TTLL9: variants seen among roughly 807,000 people sequenced by gnomAD.
TTLL9 encodes the protein tubulin tyrosine ligase like 9.
TTLL9 carries 47 observed loss-of-function variants against 65.6 expected under a neutral mutation model. The observed-to-expected ratio is 0.72, with a 90% CI of 0.57 to 0.91. The LOEUF is 0.91. Among genes scored for constraint, TTLL9 ranks in the 40% least tolerant of loss-of-function variants. TTLL9 has a pLI of 0.00. For synonymous variants in TTLL9, 179 were observed against 204.8 expected, an observed-to-expected ratio of 0.87 and a Z score of 1.07; for missense variants, 537 against 568.8, an observed-to-expected ratio of 0.94 and a Z score of 0.57.
At chr20:31,893,280 C>T (rs1174376830) in intron 3 of TTLL9, among the ~76,000 whole-genome samples, 1 of 149,112 alleles carries the variant, frequency 6.7e-6, no homozygotes. Context: ...GTGAAGTCAG[C>T]TGTTCTTTTT....
chr20:31,875,516 T>C (rs1166442286), intron 2 of TTLL9, among the ~76,000 whole-genome samples: 4 of 152,214 alleles, frequency 2.6e-5, no homozygotes, highest in African/African-American at 9.6e-5. Context: ...CTTTGCTTTC[T>C]CTGACTTCCA....
intron 7 of TTLL9, 53 bp from the exon 8 acceptor site, chr20:31,922,910 C>A: frequency 6.8e-7 from 1 of 1,466,454 alleles, no homozygotes; most frequent in Non-Finnish European, 9.5e-7. Flanking sequence ...ATACCTAGTA[C>A]ACAGGAAATG....
chr20:31,898,551 G>T lies in TTLL9; in HGVS notation c.192G>T (p.Trp64Cys), dbSNP rs374914639. ...ACGTCCTTCGCCACAGGCCAGGATG[G>T]GTGGAAGTGAAGGAGTAAGACCCTC... The part of the protein sequence containing the change: ...LMDVLRHRPG[W>C]VEVKDEGEWD... The change falls in exon 4 of 15, where the codon TGG becomes TGT. Residue 64 changes from tryptophan to cysteine, a missense_variant. Trp to Cys is a radical substitution (Grantham distance 215). Around this residue, in one of 3 missense-constraint regions of TTLL9, gnomAD observed 320 missense variants for 311.0 expected, o/e 1.03. Transcript: ENST00000535842. 3 of 1,614,014 alleles carry T rather than the reference G, an allele frequency of 1.9e-6. No homozygotes were observed. Among genetic ancestry groups the T allele is most frequent in the Non-Finnish European group, 2.5e-6 (3 of 1,180,000 alleles).
intron 6 of TTLL9, among the ~76,000 whole-genome samples, chr20:31,910,451 A>C (rs2063629592): frequency 6.6e-6 from 1 of 152,180 alleles, no homozygotes; most frequent in African/African-American, 2.4e-5. Flanking sequence ...GCTGTTATTA[A>C]GGAGAATGGT....
At position 31,887,114 on chromosome 20, in the gene TTLL9, T is replaced by C. The variant is rs1600528949; in HGVS notation, c.70-82T>C. The C allele has an allele frequency of 2.1e-6, 3 of 1,455,708 alleles. No individual in the cohort carries two copies. In the East Asian group the frequency reaches 6.8e-5, roughly 33 times the overall value. The allele number at this position is 1,455,708 out of a possible 1,614,324, so 90.2% of individuals were successfully genotyped here. ...TTGTTGAGTCTGACGGTTTGGGCAT[T>C]TTAATATCTGCAGTAAGTTAACCTG... On this transcript the variant is annotated intron_variant, in intron 2 of 14. Transcript: ENST00000535842.
chr20:31,889,505 C>A lies in TTLL9; in HGVS notation c.113+2266C>A, dbSNP rs2063251191. ...TGGCGTGATCTCAGCTCACTACAAC[C>A]TCTGCCTCCCGGGTTCAAGTGATTC... On this transcript the variant is annotated intron_variant, in intron 3 of 14. Transcript: ENST00000535842. Among the ~76,000 whole-genome samples the A allele has an allele frequency of 2.0e-5, 3 of 146,406 alleles. No homozygotes were observed. In the South Asian group the frequency reaches 6.5e-4, roughly 32 times the overall value.
intron 8 of TTLL9, among the ~76,000 whole-genome samples, chr20:31,924,616 G>A (rs1333616601): frequency 7.0e-6 from 1 of 143,218 alleles, no homozygotes; most frequent in East Asian, 2.1e-4. Flanking sequence ...ACCATGTCTT[G>A]CTCTGTCACT....
In TTLL9 at chr20:31,887,176, T is replaced by C; in HGVS notation, c.70-20T>C. The C allele has an allele frequency of 3.7e-6, 6 of 1,613,636 alleles. No individual in the cohort carries two copies. The highest frequency in any genetic ancestry group is 1.7e-4 in the Middle Eastern group (1 of 6,060). On this transcript the variant is annotated intron_variant, in intron 2 of 14. Transcript: ENST00000535842. Reference sequence around the variant, plus strand: ...CAGATATACAAAACCAGTTACATCCTTTTCCTTTCCTCATTGCAGAACCAA... The same window carrying C: ...CAGATATACAAAACCAGTTACATCCCTTTCCTTTCCTCATTGCAGAACCAA...
At chr20:31,876,572 G>A (rs1178858796) in intron 2 of TTLL9, among the ~76,000 whole-genome samples, 1 of 152,156 alleles carries the variant, frequency 6.6e-6, no homozygotes, top group Non-Finnish European at 1.5e-5. Flanking sequence ...TTATACATAT[G>A]ACCTATGTAG....
intron 4 of TTLL9, among the ~76,000 whole-genome samples, chr20:31,907,366 A>T (rs2063572244): frequency 1.3e-5 from 2 of 152,232 alleles, no homozygotes; most frequent in African/African-American, 2.4e-5. Flanking sequence ...GTTTAAAATC[A>T]TGACAAACAA....
chr20:31,930,751 C>T (rs887687988), intron 10 of TTLL9, among the ~76,000 whole-genome samples: 1 of 151,938 alleles, frequency 6.6e-6, no homozygotes. Context: ...TCTTTTTCTC[C>T]TAAATATTTT....
intron 3 of TTLL9, 55 bp from the exon 4 acceptor site, chr20:31,898,418 G>A (rs1026233302): frequency 1.6e-5 from 25 of 1,518,664 alleles, no homozygotes; most frequent in Admixed American, 5.1e-5. Context: ...CTCTCCTTGC[G>A]CCATCCTAGG....
At chr20:31,933,745 G>C in intron 10 of TTLL9, 55 bp from the exon 11 acceptor site, 2 of 1,569,794 alleles carry the variant, frequency 1.3e-6, no homozygotes, top group Non-Finnish European at 1.7e-6. Flanking sequence ...GGACTTCGTG[G>C]GGCAGAGCTC....
At chr20:31,934,280 A>G (rs969381103) in intron 11 of TTLL9, 1 of 508,242 alleles carries the variant, frequency 2.0e-6, no homozygotes, top group African/African-American at 1.9e-5. Flanking sequence ...ACAGGAGAGC[A>G]GGTCCCCAGC....
At chr20:31,929,904 G>A (rs1272976037) in intron 10 of TTLL9, among the ~76,000 whole-genome samples, 1 of 152,116 alleles carries the variant, frequency 6.6e-6, no homozygotes, top group East Asian at 1.9e-4. Context: ...GAGGCGGTCA[G>A]ATCACTTGAG....
At chr20:31,881,297 G>C (rs1275594799) in intron 2 of TTLL9, among the ~76,000 whole-genome samples, 1 of 152,180 alleles carries the variant, frequency 6.6e-6, no homozygotes, top group Non-Finnish European at 1.5e-5. Flanking sequence ...CTTCCCTGCT[G>C]CTCTGGGATC....
chr20:31,936,440 A>G (rs2064110156), intron 12 of TTLL9, among the ~76,000 whole-genome samples: 1 of 152,006 alleles, frequency 6.6e-6, no homozygotes, highest in African/African-American at 2.4e-5. Flanking sequence ...ACTGCTCTCT[A>G]GCCTGAGTGA....
At chr20:31,880,146 A>T (rs1262533568) in intron 2 of TTLL9, among the ~76,000 whole-genome samples, 1 of 152,166 alleles carries the variant, frequency 6.6e-6, no homozygotes, top group Non-Finnish European at 1.5e-5. Context: ...AAGTCCCGCG[A>T]GCCCGGCCAG....
Position 31,919,943 on chromosome 20 carries a change from C to G in TTLL9, c.573+11C>G. The G allele has an allele frequency of 6.3e-7, 1 of 1,575,248 alleles. No individual in the cohort carries two copies. The highest frequency in any genetic ancestry group is 8.6e-7 in the Non-Finnish European group (1 of 1,161,918). ...GTGGACTGGAGGAAGGTGAGCCTGC[C>G]TCTTCCCCCTTCCTCCCTGAACCCT... is the stretch of plus-strand genomic sequence containing the variant. On this transcript the variant is annotated intron_variant, in intron 7 of 14. Coordinates refer to ENST00000535842, the MANE Select transcript of TTLL9 (RefSeq NM_001008409.5).
Sources: gnomAD v4.1 joint callset for allele counts (sites outside exome capture counted in the v4.1 genomes callset) on GRCh38, gnomAD v4.1.1 for gene constraint, gnomAD v4.1.1 regional missense constraint, MANE v1.5 for transcripts, NCBI Gene and HGNC (gene_info 2026-07-23, HGNC 2026-07-21) for gene names.